The following COL5A1 variants were observed in gnomAD, a reference collection of about 807,000 sequenced individuals.
COL5A1 encodes collagen type V alpha 1 chain.
A neutral mutation model predicts 263.7 loss-of-function variants in COL5A1; 16 were observed. That is an observed-to-expected ratio of 0.06 (90% CI 0.04 to 0.09). COL5A1 has a LOEUF of 0.09. Ranked by LOEUF, COL5A1 falls within the 10% of genes least tolerant of loss-of-function variation. COL5A1 has a pLI of 1.00. For synonymous variants in COL5A1, 1,012 were observed against 1,004.5 expected (o/e 1.01, Z -0.14); for missense variants, 2,036 against 2,540.5 (o/e 0.80, Z 4.27).
intron 6 of COL5A1, among the ~76,000 whole-genome samples, chr9:134,729,188 C>T (rs1834771816): frequency 6.6e-6 from 1 of 152,146 alleles, no homozygotes; most frequent in African/African-American, 2.4e-5. Flanking sequence ...CTCAGGGGCT[C>T]CCCCGGGGGG....
chr9:134,806,938 G>A (rs554085293), intron 42 of COL5A1, among the ~76,000 whole-genome samples: 5 of 152,144 alleles, frequency 3.3e-5, no homozygotes, highest in Admixed American at 1.3e-4. Context: ...GTGAAGCCTC[G>A]GGAGTGGGGA....
chr9:134,756,164 A>AGACT (rs1459683126), intron 16 of COL5A1, among the ~76,000 whole-genome samples: 1 of 152,104 alleles, frequency 6.6e-6, no homozygotes, highest in African/African-American at 2.4e-5. Flanking sequence ...ATGGCCAGTC[A>AGACT]GTTGGGCACC....
intron 43 of COL5A1, 24 bp downstream of exon 43, chr9:134,809,314 ATGGCTGGGCC>A (rs1006614262): frequency 6.4e-7 from 1 of 1,568,064 alleles, no homozygotes; most frequent in African/African-American, 1.3e-5. Context: ...AGAGTGACCC[ATGGCTGGGCC>A]TGGCTGGGCA....
intron 13 of COL5A1, among the ~76,000 whole-genome samples, chr9:134,752,349 G>A (rs1015220987): frequency 9.2e-5 from 14 of 152,008 alleles, no homozygotes; most frequent in Non-Finnish European, 1.6e-4. Flanking sequence ...GGGAGGAAAC[G>A]GGGGCCCACT....
At chr9:134,728,437 G>A (rs547172075) in intron 5 of COL5A1, among the ~76,000 whole-genome samples, 15 of 152,340 alleles carry the variant, frequency 9.8e-5, no homozygotes, top group Admixed American at 9.1e-4. Context: ...CTGACTGCTC[G>A]AGGGGACCTG....
chr9:134,779,141 C>T (rs539011291), intron 27 of COL5A1, among the ~76,000 whole-genome samples: 1 of 152,388 alleles, frequency 6.6e-6, no homozygotes, highest in South Asian at 2.1e-4. Context: ...AGCCTGGAAT[C>T]CCGGTGCCGG....
At chr9:134,734,574 C>T (rs1007034472) in intron 9 of COL5A1, among the ~76,000 whole-genome samples, 5 of 152,264 alleles carry the variant, frequency 3.3e-5, no homozygotes, top group African/African-American at 1.2e-4. Context: ...CCTGAGCTCC[C>T]TCTTGGGAGA....
Position 134,686,153 on chromosome 9 carries a change from G to T in COL5A1, c.110-4759G>T, listed in dbSNP as rs565378230. 6.6e-6 allele frequency among the ~76,000 whole-genome samples: 1 copy of T among 152,332 alleles called. No individual in the cohort carries two copies. Among genetic ancestry groups the T allele is most frequent in the South Asian group, 2.1e-4 (1 of 4,828 alleles). ...TTGTATTTCTTATCAGGGTCTTTGT[G>T]CTGCCTTTTGTGGTGCATGACACCC... On this transcript the variant is annotated intron_variant, in intron 1 of 65. Coordinates refer to ENST00000371817, the MANE Select transcript of COL5A1 (RefSeq NM_000093.5). This position sits in a 1 kb window ranked among gnomAD's most constrained non-coding sequence, Gnocchi z 4.6.
intron 1 of COL5A1, among the ~76,000 whole-genome samples, chr9:134,654,957 G>A (rs1831896450): frequency 9.3e-6 from 1 of 107,126 alleles, no homozygotes; most frequent in Admixed American, 9.0e-5. Flanking sequence ...GTAGAGCTGG[G>A]GGAGGGTAGG....
intron 26 of COL5A1, among the ~76,000 whole-genome samples, chr9:134,774,267 C>T (rs1014070417): frequency 1.3e-5 from 2 of 152,210 alleles, no homozygotes; most frequent in African/African-American, 4.8e-5. Context: ...CCCATCCTGC[C>T]TGGGAGCTCC....
intron 65 of COL5A1, among the ~76,000 whole-genome samples, chr9:134,835,462 G>A (rs1162887146): frequency 2.6e-5 from 4 of 152,242 alleles, no homozygotes; most frequent in African/African-American, 7.2e-5. Context: ...AGCCAGGGGC[G>A]TGGGTCCCTC....
In COL5A1 at chr9:134,757,832, C is replaced by G. The variant is rs945471487; in HGVS notation, c.1882-411C>G. Among the ~76,000 whole-genome samples, 1 of 152,134 alleles carries G rather than the reference C, an allele frequency of 6.6e-6. No homozygotes were observed. Among genetic ancestry groups the G allele is most frequent in the Admixed American group, 6.5e-5 (1 of 15,282 alleles). On this transcript the variant is annotated intron_variant, in intron 17 of 65. Transcript: ENST00000371817. This position sits in a 1 kb window ranked among gnomAD's most constrained non-coding sequence, Gnocchi z 6.2. ...CCAATGGGTACGCGTACCTCCTGAG[C>G]GCGGGCAGCCCCTCGGCACCATGGA...
intron 4 of COL5A1, among the ~76,000 whole-genome samples, chr9:134,702,319 G>A (rs1362236497): frequency 6.6e-6 from 1 of 152,216 alleles, no homozygotes; most frequent in African/African-American, 2.4e-5. Flanking sequence ...CCTGGCTCTG[G>A]GATTTCCTCC....
chr9:134,674,403 A>G (rs1832630525), intron 1 of COL5A1, among the ~76,000 whole-genome samples: 1 of 152,210 alleles, frequency 6.6e-6, no homozygotes, highest in South Asian at 2.1e-4. Flanking sequence ...ACACGGTTCC[A>G]TTTATATGAC....
At chr9:134,671,346 C>T (rs138802270) in intron 1 of COL5A1, among the ~76,000 whole-genome samples, 2 of 152,290 alleles carry the variant, frequency 1.3e-5, no homozygotes, top group African/African-American at 4.8e-5. Context: ...TCCTTTGTTG[C>T]GTCTCTGGGA....
intron 37 of COL5A1, among the ~76,000 whole-genome samples, chr9:134,801,325 A>G (rs1046296988): frequency 6.6e-6 from 1 of 152,266 alleles, no homozygotes; most frequent in African/African-American, 2.4e-5. Flanking sequence ...GTCAGTCGTC[A>G]CAGAGCCACT....
intron 29 of COL5A1, 33 bp from the exon 30 acceptor site, chr9:134,784,956 T>A (rs117948766): frequency 6.4e-5 from 96 of 1,510,270 alleles, no homozygotes; most frequent in Non-Finnish European, 8.0e-5. Flanking sequence ...GTGCGGGGGG[T>A]GGTCTTCTCA....
intron 1 of COL5A1, among the ~76,000 whole-genome samples, chr9:134,644,590 G>GT (rs906079037): frequency 9.9e-5 from 7 of 70,766 alleles, no homozygotes; most frequent in African/African-American, 4.6e-4. Context: ...AGGCAGGCGC[G>GT]GGGGGGAGCC....
intron 4 of COL5A1, among the ~76,000 whole-genome samples, chr9:134,720,684 A>T (rs1834419391): frequency 6.6e-6 from 1 of 152,020 alleles, no homozygotes; most frequent in South Asian, 2.1e-4. Flanking sequence ...CACAGCCTGG[A>T]GGGGGTCAGG....
Sources: allele counts gnomAD v4.1 joint callset (sites outside exome capture counted in the v4.1 genomes callset), GRCh38; gene constraint gnomAD v4.1.1; non-coding constraint Gnocchi (gnomAD v3.1); transcripts MANE v1.5; gene names NCBI Gene and HGNC (gene_info 2026-07-23, HGNC 2026-07-21).